The following MSH3 variants were observed in gnomAD, a reference collection of about 807,000 sequenced individuals.
MSH3 encodes DNA mismatch repair protein Msh3.
MSH3 carries 106 observed loss-of-function variants against 123.3 expected under a neutral mutation model. The ratio of observed to expected loss-of-function variants is 0.86; its 90% CI spans 0.73 to 1.01. MSH3 has a LOEUF of 1.01. Among genes scored for constraint, MSH3 ranks in the 50% least tolerant of loss-of-function variants. The pLI, the probability that MSH3 is intolerant of heterozygous loss-of-function variation, is 0.00. For missense variants in MSH3, 1,459 were observed against 1,347.6 expected, an observed-to-expected ratio of 1.08 and a Z score of -1.29; for synonymous variants, 515 against 481.4, an observed-to-expected ratio of 1.07 and a Z score of -0.91.
rs182471429 is a variant in MSH3 at position 80,876,329 on chromosome 5, A to T, written c.*467A>T. The T allele has an allele frequency of 2.5e-3, 492 of 198,966 alleles. 2 individuals carry two copies. Among genetic ancestry groups the T allele is most frequent in the Middle Eastern group, 5.6e-3 (3 of 536 alleles). The allele number at this position is 198,966 out of a possible 1,614,324, so 12.3% of individuals were successfully genotyped here. On this transcript the variant is annotated 3_prime_UTR_variant, in exon 24 of 24. Transcript: ENST00000265081. ...TATAAGTAGAAAGAATTGGCCAGGCATGGTGGCTCATGCCTGTAATCCCAG... is the reference window on the plus strand; with the variant it reads ...TATAAGTAGAAAGAATTGGCCAGGCTTGGTGGCTCATGCCTGTAATCCCAG...
chr5:80,711,628 G>A (rs1364397814), intron 8 of MSH3, among the ~76,000 whole-genome samples: 1 of 152,028 alleles, frequency 6.6e-6, no homozygotes, highest in African/African-American at 2.4e-5. Flanking sequence ...ACCCCTTTTT[G>A]AAGACAGCAC....
chr5:80,830,186 T>C (rs1042610872), intron 20 of MSH3, among the ~76,000 whole-genome samples: 8 of 152,166 alleles, frequency 5.3e-5, no homozygotes, highest in African/African-American at 1.9e-4. Context: ...CTTTTGGTGT[T>C]GTTGATTTTT....
At chr5:80,812,101 A>G (rs1745019348) in intron 19 of MSH3, among the ~76,000 whole-genome samples, 1 of 152,212 alleles carries the variant, frequency 6.6e-6, no homozygotes, top group Non-Finnish European at 1.5e-5. Flanking sequence ...TAGGTGCAAT[A>G]TAAAGCCATA....
rs1744039602 is a variant in MSH3 at position 80,761,736 on chromosome 5, ATATT to A, written c.1896+59_1896+62del. 5 of 1,591,194 alleles carry A rather than the reference ATATT, an allele frequency of 3.1e-6. No individual in the cohort carries two copies. The South Asian group carries it at 3.3e-5, about 11-fold the overall frequency. On this transcript the variant is annotated intron_variant, in intron 13 of 23. Transcript: ENST00000265081. The stretch of plus-strand genomic sequence containing the variant: ...GTGTTCTTCAGCTTGAGGACACTAT[ATATT>A]AAAAGAAAACTTTTGAGAGCTCTAT...
rs762638626 is a variant in MSH3 at position 80,854,130 on chromosome 5, G to T, written c.2814G>T (p.Arg938Ser). The change falls in exon 21 of 24, where the codon AGG becomes AGT. Residue 938 changes from arginine to serine, a missense_variant and splice_region_variant. By Grantham distance (110) the Arg-to-Ser change is moderately radical. Transcript: ENST00000265081. Reference protein sequence around the residue: ...TIGIVDGIFTRMGAADNIYKG... With the variant: ...TIGIVDGIFTSMGAADNIYKG... ...CAAGGTGTTTTCATCTTGCTTGTAG[G>T]ATGGGTGCTGCAGACAATATATATA... 8 of 1,612,876 alleles carry T rather than the reference G, an allele frequency of 5.0e-6. No individual in the cohort carries two copies. Among genetic ancestry groups the T allele is most frequent in the Non-Finnish European group, 6.8e-6 (8 of 1,179,098 alleles).
intron 8 of MSH3, among the ~76,000 whole-genome samples, chr5:80,700,519 T>G (rs1750583224): frequency 6.6e-6 from 1 of 152,192 alleles, no homozygotes; most frequent in African/African-American, 2.4e-5. Flanking sequence ...TTTTAAAAAT[T>G]ACATTAATTT....
rs946457467 is a variant in MSH3 at position 80,689,661 on chromosome 5, A to T, written c.1340+10568A>T. ...TGAAGGGTGATGTTCTGCTGCTAAA[A>T]ATAAACTGTTCCTACCAGTTCAAGG... On this transcript the variant is annotated intron_variant, in intron 8 of 23. Coordinates refer to ENST00000265081, the MANE Select transcript of MSH3 (RefSeq NM_002439.5). 3.9e-5 allele frequency among the ~76,000 whole-genome samples: 6 copies of T among 152,090 alleles called. No individual in the cohort carries two copies. In the South Asian group the frequency reaches 1.0e-3, roughly 26 times the overall value.
chr5:80,781,712 G>A (rs1030158947), intron 17 of MSH3, among the ~76,000 whole-genome samples: 6 of 151,952 alleles, frequency 3.9e-5, no homozygotes, highest in Non-Finnish European at 7.4e-5. Flanking sequence ...TGTCCAACCT[G>A]TTATCAAATT....
intron 22 of MSH3, among the ~76,000 whole-genome samples, chr5:80,866,472 A>G (rs73137537): frequency 3.6e-3 from 546 of 152,288 alleles, no homozygotes; most frequent in African/African-American, 0.012. Context: ...ATAATTTTTA[A>G]AATTCAATGG....
chr5:80,781,526 G>A (rs1413064935), intron 17 of MSH3, among the ~76,000 whole-genome samples: 1 of 149,428 alleles, frequency 6.7e-6, no homozygotes, highest in Non-Finnish European at 1.5e-5. Context: ...GGAGTGCAGT[G>A]ATACAATCAT....
intron 20 of MSH3, among the ~76,000 whole-genome samples, chr5:80,844,400 A>C (rs1745681117): frequency 6.6e-6 from 1 of 152,164 alleles, no homozygotes; most frequent in Non-Finnish European, 1.5e-5. Context: ...GGAGTTCCGT[A>C]GATGTCTTTT....
chr5:80,733,304 C>T (rs1743443495), intron 10 of MSH3, among the ~76,000 whole-genome samples: 1 of 152,096 alleles, frequency 6.6e-6, no homozygotes, highest in South Asian at 2.1e-4. Context: ...ACCCTTACTT[C>T]ATGTCATATT....
At chr5:80,799,500 C>CTTTTTTTTTTT (rs746348952) in intron 19 of MSH3, among the ~76,000 whole-genome samples, 6 of 32,318 alleles carry the variant, frequency 1.9e-4, no homozygotes, top group African/African-American at 3.8e-4. Flanking sequence ...GAAGATAGCA[C>CTTTTTTTTTTT]TTTTTTTTTT....
At chr5:80,841,812 G>C (rs1407257281) in intron 20 of MSH3, among the ~76,000 whole-genome samples, 2 of 152,070 alleles carry the variant, frequency 1.3e-5, no homozygotes, top group East Asian at 3.9e-4. Flanking sequence ...TTAGCCCTTT[G>C]TCAGATGGGT....
intron 19 of MSH3, among the ~76,000 whole-genome samples, chr5:80,809,770 A>G (rs1744973745): frequency 6.6e-6 from 1 of 152,112 alleles, no homozygotes; most frequent in African/African-American, 2.4e-5. Context: ...ATTTGTATGT[A>G]ATGTTCTGAA....
intron 15 of MSH3, among the ~76,000 whole-genome samples, chr5:80,770,485 A>T (rs1246448143): frequency 6.6e-6 from 1 of 152,172 alleles, no homozygotes; most frequent in Non-Finnish European, 1.5e-5. Context: ...TTTATCAAGT[A>T]CTTGTTAAAG....
chr5:80,712,878 A>G (rs1016727771), intron 8 of MSH3, among the ~76,000 whole-genome samples: 6 of 152,108 alleles, frequency 3.9e-5, no homozygotes, highest in Non-Finnish European at 5.9e-5. Context: ...AGCACTGATA[A>G]AATTAATGAG....
chr5:80,876,021 C>G lies in MSH3; in HGVS notation c.*159C>G, dbSNP rs2112132173. ...ACAGAGAGGTTTTTCTGAAGACAGT[C>G]TTTTTCAAGTTTCTGTCTTCCTAAC... On this transcript the variant is annotated 3_prime_UTR_variant, in exon 24 of 24. Transcript: ENST00000265081. 4 of 621,904 alleles carry G rather than the reference C, an allele frequency of 6.4e-6. No individual in the cohort carries two copies. The highest frequency in any genetic ancestry group is 8.6e-6 in the Non-Finnish European group (3 of 349,726). The allele number at this position is 621,904 out of a possible 1,614,324, so 38.5% of individuals were successfully genotyped here. A position where few individuals can be genotyped will look rare whatever the true frequency, so the allele number is the denominator to read the frequency against.
intron 9 of MSH3, among the ~76,000 whole-genome samples, chr5:80,728,256 A>G (rs1743338959): frequency 6.6e-6 from 1 of 152,242 alleles, no homozygotes; most frequent in Non-Finnish European, 1.5e-5. Flanking sequence ...TGCAAGGATG[A>G]AGCAGTGAGA....
Sources: gnomAD v4.1 joint callset for allele counts (sites outside exome capture counted in the v4.1 genomes callset) on GRCh38, gnomAD v4.1.1 for gene constraint, MANE v1.5 for transcripts, NCBI Gene and HGNC (gene_info 2026-07-23, HGNC 2026-07-21) for gene names.